The following PGAP3 variants were observed in gnomAD, a reference collection of about 807,000 sequenced individuals.
The protein encoded by PGAP3 is GPI-specific phospholipase A2-like PGAP3.
In PGAP3, 31 loss-of-function variants were observed where a neutral mutation model predicts 40.3. The observed-to-expected ratio is 0.77, with a 90% CI of 0.58 to 1.04. The LOEUF is 1.04. PGAP3 is among the 50% of genes least tolerant of loss of function. PGAP3 has a pLI of 0.00. For synonymous variants in PGAP3, 191 were observed against 184.5 expected, an observed-to-expected ratio of 1.04 and a Z score of -0.29; for missense variants, 413 against 423.0, an observed-to-expected ratio of 0.98 and a Z score of 0.21.
Position 39,673,552 on chromosome 17 carries a change from A to G in PGAP3, c.656T>C (p.Phe219Ser), listed in dbSNP as rs1279560610. The G allele has an allele frequency of 6.2e-7, 1 of 1,614,154 alleles. No individual in the cohort carries two copies. The highest frequency in any genetic ancestry group is 1.7e-5 in the Admixed American group (1 of 60,022). The change falls in exon 6 of 8, where the codon TTC becomes TCC. Residue 219 changes from phenylalanine to serine, a missense_variant. Coordinates refer to ENST00000300658, the MANE Select transcript of PGAP3 (RefSeq NM_033419.5). ...GGCCACCAGGTTGTAGCCATAGTCGAAGCGGATGAGGCTCAGGTAGGAGAC... is the reference window on the plus strand; with the variant it reads ...GGCCACCAGGTTGTAGCCATAGTCGGAGCGGATGAGGCTCAGGTAGGAGAC... Reference protein sequence around the residue: ...VHVSYLSLIRFDYGYNLVANV... With the variant: ...VHVSYLSLIRSDYGYNLVANV...
At chr17:39,673,876 G>GGTTGGGGGGCATAGGTGTTGGGA (rs2057341933) in intron 5 of PGAP3, 117 bp downstream of exon 5, 31 of 1,322,172 alleles carry the variant, frequency 2.3e-5, no homozygotes, top group African/African-American at 1.0e-4. Context: ...ATGTGTTGGG[G>GGTTGGGGGGCATAGGTGTTGGGA]GTTGGGGGGC....
chr17:39,678,190 C>T (rs1251987745), intron 3 of PGAP3, among the ~76,000 whole-genome samples: 3 of 152,196 alleles, frequency 2.0e-5, no homozygotes, highest in Non-Finnish European at 4.4e-5. Flanking sequence ...GAAGTCTAAC[C>T]ATCATTCTAC....
chr17:39,679,410 T>G (rs2057413004), intron 3 of PGAP3, among the ~76,000 whole-genome samples: 1 of 152,154 alleles, frequency 6.6e-6, no homozygotes, highest in African/African-American at 2.4e-5. Context: ...ACCCCTGGCC[T>G]CTGGCACATG....
chr17:39,681,096 G>C (rs1258145037), intron 3 of PGAP3, among the ~76,000 whole-genome samples: 1 of 152,104 alleles, frequency 6.6e-6, no homozygotes, highest in African/African-American at 2.4e-5. Context: ...GAACTTGTGA[G>C]CTCAAGCAAT....
At chr17:39,681,054 C>T (rs529222100) in intron 3 of PGAP3, among the ~76,000 whole-genome samples, 9 of 152,088 alleles carry the variant, frequency 5.9e-5, no homozygotes, top group African/African-American at 1.7e-4. Flanking sequence ...TTGGTAGAGA[C>T]GGGGTTTCAC....
chr17:39,678,665 C>A (rs1187134271), intron 3 of PGAP3, among the ~76,000 whole-genome samples: 2 of 152,170 alleles, frequency 1.3e-5, no homozygotes, highest in East Asian at 1.9e-4. Flanking sequence ...AAATCAGGAG[C>A]CTCAGTGCCC....
chr17:39,684,509 G>A (rs1483480590), intron 3 of PGAP3, 88 bp downstream of exon 3: 3 of 1,418,122 alleles, frequency 2.1e-6, no homozygotes, highest in African/African-American at 2.9e-5. Context: ...AAGCTGGTAA[G>A]TAGAAGCCCT....
intron 7 of PGAP3, 21 bp downstream of exon 7, chr17:39,673,030 C>A (rs549479857): frequency 1.3e-6 from 2 of 1,594,616 alleles, no homozygotes; most frequent in Non-Finnish European, 1.7e-6. Context: ...AGGTGAGCAC[C>A]AGGCAGGGGG....
Position 39,685,988 on chromosome 17 carries a change from C to T in PGAP3, c.213G>A (p.Glu71=). 1 of 1,613,426 alleles carries T rather than the reference C, an allele frequency of 6.2e-7. No individual in the cohort carries two copies. The highest frequency in any genetic ancestry group is 8.5e-7 in the Non-Finnish European group (1 of 1,179,530). ...AGAGCCCAACGGTGACCCACATACA[C>T]TCATACTTACAGTCGTCCCGACAGG... ...GWTCRDDCKY[E]CMWVTVGLYL... is the part of the protein sequence containing the mutation. Residue 71 remains glutamate, a synonymous_variant, in exon 2 of 8, where the codon GAG becomes GAA. Transcript: ENST00000300658.
chr17:39,682,661 T>G (rs2057457277), intron 3 of PGAP3, among the ~76,000 whole-genome samples: 2 of 152,174 alleles, frequency 1.3e-5, no homozygotes, highest in South Asian at 4.2e-4. Context: ...GTGCTAAAAC[T>G]ACCAACTGGT....
intron 3 of PGAP3, among the ~76,000 whole-genome samples, chr17:39,681,585 C>T (rs889932820): frequency 1.3e-5 from 2 of 152,014 alleles, no homozygotes; most frequent in Non-Finnish European, 2.9e-5. Context: ...CTCAGCTCAC[C>T]GCAACCTCCG....
intron 3 of PGAP3, among the ~76,000 whole-genome samples, chr17:39,684,213 A>AATT (rs919530678): frequency 1.3e-5 from 2 of 149,760 alleles, no homozygotes; most frequent in African/African-American, 5.0e-5. Flanking sequence ...CCTGGGCTGG[A>AATT]ATTGAGATTG....
intron 1 of PGAP3, 74 bp from the exon 2 acceptor site, chr17:39,686,093 C>G (rs1425908841): frequency 1.5e-6 from 2 of 1,358,782 alleles, no homozygotes; most frequent in Admixed American, 3.8e-5. Context: ...GGGGTCCAAG[C>G]GCAAATGTAG....
intron 3 of PGAP3, among the ~76,000 whole-genome samples, chr17:39,676,184 G>A (rs1468558763): frequency 2.0e-5 from 3 of 152,192 alleles, no homozygotes. Flanking sequence ...AGTCAGCATG[G>A]GGAGAGGAGC....
chr17:39,673,936 A>G, intron 5 of PGAP3, 57 bp downstream of exon 5: 1 of 1,563,214 alleles, frequency 6.4e-7, no homozygotes, highest in Non-Finnish European at 8.8e-7. Context: ...AGGCTGGGTG[A>G]CCCCTTTCTG....
chr17:39,674,702 G>A (rs1172290194), intron 3 of PGAP3, 23 bp from the exon 4 acceptor site: 2 of 1,544,588 alleles, frequency 1.3e-6, no homozygotes, highest in South Asian at 1.2e-5. Context: ...GGGCTGGTGA[G>A]CATGCTGCCC....
chr17:39,680,926 G>A (rs1212591559), intron 3 of PGAP3, among the ~76,000 whole-genome samples: 1 of 152,014 alleles, frequency 6.6e-6, no homozygotes, highest in Non-Finnish European at 1.5e-5. Context: ...TACAGTGACA[G>A]GATCACAGCT....
chr17:39,688,020 C>T lies in PGAP3; in HGVS notation c.-6G>A. The stretch of plus-strand genomic sequence containing the variant: ...CGCGCCGCCAGGCCGGCCATCCTTT[C>T]TCCCTGGCTCGCCGCCGGGGGAGGA... On this transcript the variant is annotated 5_prime_UTR_variant, in exon 1 of 8. Coordinates refer to ENST00000300658, the MANE Select transcript of PGAP3 (RefSeq NM_033419.5). 1 of 1,391,248 alleles carries T rather than the reference C, an allele frequency of 7.2e-7. No individual in the cohort carries two copies. Among genetic ancestry groups the T allele is most frequent in the Non-Finnish European group, 9.5e-7 (1 of 1,056,114 alleles). 86.2% of individuals were successfully genotyped at this position (1,391,248 alleles called of 1,614,324 possible).
intron 3 of PGAP3, among the ~76,000 whole-genome samples, chr17:39,683,314 T>A (rs2145136346): frequency 6.6e-6 from 1 of 152,216 alleles, no homozygotes; most frequent in Non-Finnish European, 1.5e-5. Flanking sequence ...TTCTCAAATT[T>A]ACCTAGTTAA....
Sources: gnomAD v4.1 joint callset for allele counts (sites outside exome capture counted in the v4.1 genomes callset) on GRCh38, gnomAD v4.1.1 for gene constraint, MANE v1.5 for transcripts, NCBI Gene and HGNC (gene_info 2026-07-23, HGNC 2026-07-21) for gene names.